Variants in RABL2B observed in about 807,000 individuals in gnomAD.
RABL2B encodes the protein rab-like protein 2B.
A neutral mutation model predicts 26.7 loss-of-function variants in RABL2B; 17 were observed. The observed-to-expected ratio is 0.64, with a 90% CI of 0.44 to 0.95. The LOEUF is 0.95. Among genes scored for constraint, RABL2B ranks in the 40% least tolerant of loss-of-function variants. The probability of loss-of-function intolerance (pLI) is 0.00; values close to 1 mark genes in which losing one functional copy is unlikely to be tolerated. For missense variants in RABL2B, 170 were observed against 277.2 expected, an observed-to-expected ratio of 0.61 and a Z score of 2.75; for synonymous variants, 70 against 103.9, an observed-to-expected ratio of 0.67 and a Z score of 1.99.
intron 4 of RABL2B, 141 bp from the exon 5 acceptor site, chr22:50,775,992 C>T: frequency 1.1e-6 from 1 of 911,112 alleles, no homozygotes. Flanking sequence ...ACTATACAGC[C>T]CCACACGTGT....
chr22:50,772,571 T>C, intron 5 of RABL2B: 9 of 994,470 alleles, frequency 9.1e-6, no homozygotes, highest in Non-Finnish European at 8.4e-6. Flanking sequence ...ACCCAGCTAT[T>C]TGTGCAAGCA....
chr22:50,780,931 A>C (rs189039313), intron 2 of RABL2B, among the ~76,000 whole-genome samples: 2 of 152,218 alleles, frequency 1.3e-5, no homozygotes, highest in East Asian at 3.9e-4. Context: ...TTGTTTTTAA[A>C]CTTGAGTGGG....
At chr22:50,772,875 C>T in intron 5 of RABL2B, 1 of 1,193,306 alleles carries the variant, frequency 8.4e-7, no homozygotes, top group Non-Finnish European at 1.1e-6. Flanking sequence ...GAATGAGGAG[C>T]ATCCCCATCT....
At chr22:50,772,601 C>T in intron 5 of RABL2B, 1 of 1,007,648 alleles carries the variant, frequency 9.9e-7, no homozygotes, top group Non-Finnish European at 1.2e-6. Flanking sequence ...AAGCTCAGGG[C>T]TAGGGGCTCG....
chr22:50,777,514 C>A (rs2085172095), intron 3 of RABL2B: 11 of 271,740 alleles, frequency 4.0e-5, no homozygotes, highest in South Asian at 3.9e-4. Context: ...TGTAATATAA[C>A]AATTCATGGG....
chr22:50,779,516 C>A (rs1447109580), intron 2 of RABL2B, among the ~76,000 whole-genome samples: 2 of 152,098 alleles, frequency 1.3e-5, no homozygotes, highest in Non-Finnish European at 2.9e-5. Context: ...AGTCTGTACT[C>A]ACACCATGTG....
At chr22:50,781,013 C>A (rs1296072028) in intron 2 of RABL2B, among the ~76,000 whole-genome samples, 1 of 152,060 alleles carries the variant, frequency 6.6e-6, no homozygotes, top group Non-Finnish European at 1.5e-5. Context: ...ACTGTACAGG[C>A]GTGCTGTTGA....
chr22:50,774,054 C>T (rs1235987746), intron 5 of RABL2B, among the ~76,000 whole-genome samples: 8 of 152,280 alleles, frequency 5.3e-5, no homozygotes, highest in East Asian at 1.9e-4. Context: ...GCTACCACGC[C>T]CGGCTAATTT....
rs2085241073 is a variant in RABL2B at position 50,777,948 on chromosome 22, A to C, written c.137+4T>G. ...CAAGGGGTACTTCAAACCTTGAAGG[A>C]TACAAGCCATCCATGAGAAATCTCT... On this transcript the variant is annotated splice_donor_region_variant and intron_variant, in intron 3 of 8. Coordinates refer to ENST00000691320, the MANE Select transcript of RABL2B (RefSeq NM_001130919.3). 1 of 1,614,090 alleles carries C rather than the reference A, an allele frequency of 6.2e-7. No homozygotes were observed. The highest frequency in any genetic ancestry group is 8.5e-7 in the Non-Finnish European group (1 of 1,180,042).
intron 6 of RABL2B, 65 bp from the exon 7 acceptor site, chr22:50,769,617 G>C (rs1461450934): frequency 2.5e-6 from 4 of 1,606,292 alleles, no homozygotes; most frequent in African/African-American, 1.3e-5. Context: ...TGGAGGGGGG[G>C]GCCACTGGAG....
intron 4 of RABL2B, among the ~76,000 whole-genome samples, chr22:50,776,110 G>A (rs2084939760): frequency 6.6e-6 from 1 of 152,138 alleles, no homozygotes; most frequent in African/African-American, 2.4e-5. Flanking sequence ...CACACTGGAA[G>A]CCCAAGGAGG....
chr22:50,782,628 G>A (rs1290847885), intron 1 of RABL2B: 92 of 370,688 alleles, frequency 2.5e-4, no homozygotes, highest in Admixed American at 7.1e-4. Flanking sequence ...GCAACATTAT[G>A]TCTAGCTCTG....
chr22:50,773,585 G>A (rs1439951696), intron 5 of RABL2B, among the ~76,000 whole-genome samples: 1 of 151,520 alleles, frequency 6.6e-6, no homozygotes, highest in African/African-American at 2.4e-5. Context: ...ATCAGAGGAG[G>A]CTGCACGGAG....
intron 5 of RABL2B, among the ~76,000 whole-genome samples, chr22:50,775,326 C>T (rs2147161085): frequency 1.3e-5 from 2 of 152,230 alleles, no homozygotes; most frequent in South Asian, 4.1e-4. Flanking sequence ...CAATGGGAGG[C>T]TCGGGGGGAG....
At chr22:50,780,647 T>C (rs753010470) in intron 2 of RABL2B, 7 of 470,206 alleles carry the variant, frequency 1.5e-5, no homozygotes, top group Non-Finnish European at 2.6e-5. Context: ...CCATGGTCTT[T>C]GTATCTGGGA....
chr22:50,781,596 C>T (rs552185066), intron 2 of RABL2B, among the ~76,000 whole-genome samples: 8 of 152,208 alleles, frequency 5.3e-5, no homozygotes, highest in Admixed American at 4.6e-4. Flanking sequence ...GCAAGTGTAC[C>T]GTCATGCTAT....
intron 5 of RABL2B, among the ~76,000 whole-genome samples, chr22:50,774,493 C>A (rs1316004843): frequency 2.7e-5 from 4 of 149,474 alleles, no homozygotes; most frequent in Non-Finnish European, 5.9e-5. Context: ...GCTGGTGGTC[C>A]AGCCAAGTAC....
intron 5 of RABL2B, among the ~76,000 whole-genome samples, 175 bp downstream of exon 5, chr22:50,775,597 A>G (rs1470073818): frequency 1.3e-5 from 2 of 151,948 alleles, no homozygotes; most frequent in Non-Finnish European, 1.5e-5. Flanking sequence ...CTCACCTGGC[A>G]CCTTCTCACT....
At chr22:50,782,593 A>G (rs2086072858) in intron 1 of RABL2B, among the ~76,000 whole-genome samples, 2 of 151,966 alleles carry the variant, frequency 1.3e-5, no homozygotes, top group African/African-American at 2.4e-5. Context: ...GACATTCACC[A>G]GGCATCCAGT....
Sources: gnomAD v4.1 joint callset for allele counts (sites outside exome capture counted in the v4.1 genomes callset) on GRCh38, gnomAD v4.1.1 for gene constraint, MANE v1.5 for transcripts, NCBI Gene and HGNC (gene_info 2026-07-23, HGNC 2026-07-21) for gene names.